ANKIB1: variants seen among roughly 807,000 people sequenced by gnomAD.
The protein encoded by ANKIB1 is ankyrin repeat and IBR domain containing 1.
ANKIB1 carries 43 observed loss-of-function variants against 122.1 expected under a neutral mutation model. That is an observed-to-expected ratio of 0.35 (90% confidence interval 0.28 to 0.45). ANKIB1 has a LOEUF of 0.45. Among genes scored for constraint, ANKIB1 ranks in the 20% least tolerant of loss-of-function variants. The pLI, the probability that ANKIB1 is intolerant of heterozygous loss-of-function variation, is 1.00. For synonymous variants in ANKIB1, 390 were observed against 442.0 expected, an observed-to-expected ratio of 0.88 and a Z score of 1.48; for missense variants, 992 against 1,329.5, an observed-to-expected ratio of 0.75 and a Z score of 3.95.
At chr7:92,309,942 A>AAAAAAAATATATATATATATAT (rs1335765681) in intron 3 of ANKIB1, among the ~76,000 whole-genome samples, 5 of 91,814 alleles carry the variant, frequency 5.4e-5, no homozygotes, top group African/African-American at 1.9e-4. Context: ...AAAAAAAAAA[A>AAAAAAAATATATATATATATAT]ATATATATAT....
At chr7:92,311,624 G>A (rs955627535) in intron 3 of ANKIB1, among the ~76,000 whole-genome samples, 3 of 151,818 alleles carry the variant, frequency 2.0e-5, no homozygotes, top group African/African-American at 7.3e-5. Context: ...AATTTAAACA[G>A]TTTCTTATAG....
intron 7 of ANKIB1, among the ~76,000 whole-genome samples, chr7:92,347,494 AC>A (rs1562788878): frequency 1.3e-5 from 2 of 152,132 alleles, no homozygotes; most frequent in African/African-American, 4.8e-5. Context: ...AGTCCTAGCT[AC>A]TTGGGCAGCT....
At position 92,345,027 on chromosome 7, in the gene ANKIB1, T is replaced by C. The variant is rs763626618; in HGVS notation, c.1046T>C (p.Met349Thr). Residue 349 changes from methionine (M) to threonine (T), a missense_variant, in exon 7 of 20, where the codon ATG (methionine) becomes ACG (threonine). Physicochemically the swap from Met to Thr is moderately conservative, Grantham distance 81 (BLOSUM62 -1). This residue lies in a region of ANKIB1 where 521 missense variants were observed against 777.7 expected (regional missense o/e 0.67). Transcript: ENST00000265742. Reference sequence around the variant, plus strand: ...TCTGTATTTGAAGACCCTGTGGATATGCCCTGTGGACATGACTTTTGTAGA... The same window carrying C: ...TCTGTATTTGAAGACCCTGTGGATACGCCCTGTGGACATGACTTTTGTAGA... ...SISVFEDPVD[M>T]PCGHDFCRGC... The C allele has an allele frequency of 6.2e-7, 1 of 1,613,534 alleles. No homozygotes were observed. Among genetic ancestry groups the C allele is most frequent in the Non-Finnish European group, 8.5e-7 (1 of 1,179,624 alleles).
intron 2 of ANKIB1, among the ~76,000 whole-genome samples, chr7:92,295,972 A>G (rs1802346477): frequency 6.6e-6 from 1 of 152,190 alleles, no homozygotes; most frequent in African/African-American, 2.4e-5. Context: ...AAGGAAAAAA[A>G]TGCTTATTTT....
intron 11 of ANKIB1, among the ~76,000 whole-genome samples, chr7:92,380,158 A>G (rs759821336): frequency 5.9e-5 from 9 of 152,156 alleles, no homozygotes; most frequent in Non-Finnish European, 1.3e-4. Flanking sequence ...TCCGAGATCT[A>G]ACTGCGAGGC....
chr7:92,382,188 A>T (rs1804531319), intron 11 of ANKIB1, among the ~76,000 whole-genome samples: 1 of 152,232 alleles, frequency 6.6e-6, no homozygotes, highest in Non-Finnish European at 1.5e-5. Context: ...AGAAGAGCTA[A>T]CTATCCTAAA....
At chr7:92,321,784 T>TG (rs1002287587) in intron 4 of ANKIB1, among the ~76,000 whole-genome samples, 1 of 152,212 alleles carries the variant, frequency 6.6e-6, no homozygotes, top group Non-Finnish European at 1.5e-5. Context: ...CTGAGTTTCT[T>TG]GGGATTAAAA....
chr7:92,385,247 A>G (rs984376844), intron 11 of ANKIB1, among the ~76,000 whole-genome samples: 4 of 152,202 alleles, frequency 2.6e-5, no homozygotes, highest in Admixed American at 1.3e-4. Flanking sequence ...GCTGGAGAGG[A>G]TGTGGAAAAA....
intron 2 of ANKIB1, among the ~76,000 whole-genome samples, chr7:92,298,917 A>T (rs991928998): frequency 6.6e-6 from 1 of 152,262 alleles, no homozygotes; most frequent in South Asian, 2.1e-4. Flanking sequence ...TTTCTGCTAC[A>T]TACCAGAATA....
In ANKIB1 at chr7:92,398,255, C is replaced by T; in HGVS notation, c.2576C>T (p.Ala859Val). Reference sequence around the variant, plus strand: ...GAAGACGATCCCAATATACTTCTTGCAATACAGTTATCACTGCAAGAGTCT... The same window carrying T: ...GAAGACGATCCCAATATACTTCTTGTAATACAGTTATCACTGCAAGAGTCT... Reference protein sequence around the residue: ...LDEDDPNILLAIQLSLQESGL... With the variant: ...LDEDDPNILLVIQLSLQESGL... The change falls in exon 20 of 20, where the codon GCA (alanine) becomes GTA (valine). Residue 859 changes from alanine to valine, a missense_variant. Transcript: ENST00000265742. 1 of 1,612,466 alleles carries T rather than the reference C, an allele frequency of 6.2e-7. No homozygotes were observed. Among genetic ancestry groups the T allele is most frequent in the Non-Finnish European group, 8.5e-7 (1 of 1,179,248 alleles).
At chr7:92,391,491 G>T in intron 16 of ANKIB1, 147 bp downstream of exon 16, 5 of 745,582 alleles carry the variant, frequency 6.7e-6, no homozygotes, top group South Asian at 1.1e-4. Flanking sequence ...GACTTTTTTT[G>T]GTGATTTTTT....
chr7:92,343,434 GA>G lies in ANKIB1; in HGVS notation c.996+211del, dbSNP rs1366502341. ...TTTTGTGATCTCTGAATTATAGATT[GA>G]AAAAAAAAGGTTTTCTTTCCTCATT... On this transcript the variant is annotated intron_variant, in intron 6 of 19. Coordinates refer to ENST00000265742, the MANE Select transcript of ANKIB1 (RefSeq NM_019004.2). Among the ~76,000 whole-genome samples the G allele has an allele frequency of 3.3e-5, 5 of 149,588 alleles. 1 individual carries two copies. In the South Asian group the frequency reaches 6.3e-4, roughly 19 times the overall value.
At chr7:92,255,012 C>G (rs1452393655) in intron 1 of ANKIB1, among the ~76,000 whole-genome samples, 4 of 152,284 alleles carry the variant, frequency 2.6e-5, no homozygotes, top group Admixed American at 2.6e-4. Flanking sequence ...TTTTCCTTCA[C>G]AAGCTCTCTT....
At chr7:92,367,094 A>G (rs1383103937) in intron 10 of ANKIB1, among the ~76,000 whole-genome samples, 1 of 152,190 alleles carries the variant, frequency 6.6e-6, no homozygotes, top group African/African-American at 2.4e-5. Flanking sequence ...TAGATGGTAT[A>G]TACATGGTTA....
chr7:92,319,808 A>T, intron 4 of ANKIB1: 2 of 288,450 alleles, frequency 6.9e-6, no homozygotes, highest in South Asian at 8.3e-5. Flanking sequence ...GGTGGCCCAC[A>T]CTCATTGTCC....
At chr7:92,301,169 T>C (rs1309298335) in intron 2 of ANKIB1, among the ~76,000 whole-genome samples, 1 of 152,194 alleles carries the variant, frequency 6.6e-6, no homozygotes, top group Non-Finnish European at 1.5e-5. Flanking sequence ...TACTGATATC[T>C]CTTCGGAGTT....
chr7:92,361,910 A>G (rs561098491), intron 9 of ANKIB1, among the ~76,000 whole-genome samples: 85 of 152,198 alleles, frequency 5.6e-4, no homozygotes, highest in Non-Finnish European at 1.1e-3. Context: ...CCCAGGTTCA[A>G]GCGTTTCTCC....
At chr7:92,340,432 T>C (rs964535168) in intron 5 of ANKIB1, among the ~76,000 whole-genome samples, 1 of 152,154 alleles carries the variant, frequency 6.6e-6, no homozygotes, top group Admixed American at 6.5e-5. Context: ...GGGAATATAA[T>C]TTATGTAAAG....
intron 1 of ANKIB1, among the ~76,000 whole-genome samples, chr7:92,284,686 T>C (rs1802081279): frequency 6.6e-6 from 1 of 152,214 alleles, no homozygotes; most frequent in Non-Finnish European, 1.5e-5. Flanking sequence ...TGTTCCTTCT[T>C]TCTTTCTTTT....
Sources: gnomAD v4.1 joint callset for allele counts (sites outside exome capture counted in the v4.1 genomes callset) on GRCh38, gnomAD v4.1.1 for gene constraint, gnomAD v4.1.1 regional missense constraint, MANE v1.5 for transcripts, NCBI Gene and HGNC (gene_info 2026-07-23, HGNC 2026-07-21) for gene names.